The following PRKAG2 variants were observed in gnomAD, a reference collection of about 807,000 sequenced individuals.
PRKAG2 encodes the protein protein kinase AMP-activated non-catalytic subunit gamma 2, also known as 5'-AMP-activated protein kinase subunit gamma-2.
Under a neutral mutation model 69.6 loss-of-function variants are expected in PRKAG2, and 26 were observed. That is an observed-to-expected ratio of 0.37 (90% CI 0.27 to 0.52). The LOEUF is 0.52. Among genes scored for constraint, PRKAG2 ranks in the 20% least tolerant of loss-of-function variants. The pLI, the probability that PRKAG2 is intolerant of heterozygous loss-of-function variation, is 0.90. For missense variants in PRKAG2, 557 were observed against 740.0 expected, an observed-to-expected ratio of 0.75 and a Z score of 2.87; for synonymous variants, 293 against 285.0, an observed-to-expected ratio of 1.03 and a Z score of -0.28.
intron 6 of PRKAG2, among the ~76,000 whole-genome samples, chr7:151,591,398 G>C (rs1331615946): frequency 2.6e-5 from 4 of 152,264 alleles, no homozygotes; most frequent in Non-Finnish European, 5.9e-5. Flanking sequence ...GCTGATAGCG[G>C]TGTGGGCTGG....
intron 3 of PRKAG2, among the ~76,000 whole-genome samples, chr7:151,711,242 ACTAGGCTGAGAGTATGAAGAGTG>A: frequency 1.3e-5 from 2 of 150,772 alleles, no homozygotes; most frequent in Non-Finnish European, 3.0e-5. Flanking sequence ...TGCTAAGAGT[ACTAGGCTGAGAGTATGAAGAGTG>A]CTAGGCTGAG....
chr7:151,724,781 T>C (rs1419843726), intron 3 of PRKAG2, among the ~76,000 whole-genome samples: 2 of 151,590 alleles, frequency 1.3e-5, no homozygotes, highest in African/African-American at 2.4e-5. Context: ...GGGCTCCAAG[T>C]GCCGACTTGC....
intron 3 of PRKAG2, among the ~76,000 whole-genome samples, chr7:151,733,554 C>A (rs1011783825): frequency 6.6e-6 from 1 of 152,182 alleles, no homozygotes; most frequent in Non-Finnish European, 1.5e-5. Context: ...ATAATAGGTT[C>A]TGGTTTAATT....
intron 3 of PRKAG2, among the ~76,000 whole-genome samples, chr7:151,726,988 G>A (rs1798084746): frequency 6.6e-6 from 1 of 152,068 alleles, no homozygotes; most frequent in Non-Finnish European, 1.5e-5. Flanking sequence ...GGCCAAGGCG[G>A]GCGGATCACC....
intron 3 of PRKAG2, chr7:151,735,806 G>A (rs1009494486): frequency 6.8e-7 from 1 of 1,461,040 alleles, no homozygotes; most frequent in Non-Finnish European, 9.2e-7. Flanking sequence ...AGAGTGGCTG[G>A]AAACAGCTAC....
chr7:151,728,375 G>T (rs1257433244), intron 3 of PRKAG2, among the ~76,000 whole-genome samples: 1 of 152,062 alleles, frequency 6.6e-6, no homozygotes, highest in Non-Finnish European at 1.5e-5. Context: ...TGGAACCCCG[G>T]GTGACCATCC....
intron 3 of PRKAG2, among the ~76,000 whole-genome samples, chr7:151,714,580 A>G (rs979750490): frequency 1.3e-5 from 2 of 152,230 alleles, no homozygotes; most frequent in East Asian, 3.8e-4. Context: ...AGAGAAAAAA[A>G]CTACTCTAGT....
intron 5 of PRKAG2, among the ~76,000 whole-genome samples, chr7:151,598,092 G>A (rs540609424): frequency 2.6e-5 from 4 of 152,078 alleles, no homozygotes; most frequent in Non-Finnish European, 5.9e-5. Context: ...ATAAAGAAAC[G>A]TGGTACCTAT....
At chr7:151,801,732 A>C (rs2077848533) in intron 1 of PRKAG2, among the ~76,000 whole-genome samples, 1 of 152,236 alleles carries the variant, frequency 6.6e-6, no homozygotes, top group Admixed American at 6.5e-5. Context: ...GAGAGGGAAG[A>C]AAACTGCTGA....
intron 1 of PRKAG2, among the ~76,000 whole-genome samples, chr7:151,833,446 G>A (rs149226667): frequency 2.0e-5 from 3 of 152,320 alleles, no homozygotes; most frequent in Admixed American, 6.5e-5. Context: ...GGGTGGAAGC[G>A]GCAGGGAGGG....
chr7:151,815,866 GAGGAATTGCTTCCAAAGAT>G (rs1259170085), intron 1 of PRKAG2, among the ~76,000 whole-genome samples: 1 of 152,196 alleles, frequency 6.6e-6, no homozygotes, highest in Non-Finnish European at 1.5e-5. Flanking sequence ...CTCAGCAGTG[GAGGAATTGCTTCCAAAGAT>G]ATTGAGTGAT....
At chr7:151,747,882 G>C (rs1345740728) in intron 3 of PRKAG2, among the ~76,000 whole-genome samples, 1 of 150,840 alleles carries the variant, frequency 6.6e-6, no homozygotes, top group Non-Finnish European at 1.5e-5. Flanking sequence ...GGCTAAGGGG[G>C]TGAAAATCAC....
intron 3 of PRKAG2, among the ~76,000 whole-genome samples, chr7:151,759,222 C>T (rs780991318): frequency 2.6e-5 from 4 of 152,180 alleles, no homozygotes; most frequent in Admixed American, 6.5e-5. Context: ...TGGGCCCCTC[C>T]GCCAGGCGTG....
At chr7:151,623,487 G>A (rs542116270) in intron 5 of PRKAG2, among the ~76,000 whole-genome samples, 2 of 151,592 alleles carry the variant, frequency 1.3e-5, no homozygotes, top group African/African-American at 4.8e-5. Context: ...TGATCTGATA[G>A]GAGGCGGAGC....
At chr7:151,753,435 A>C (rs140782434) in intron 3 of PRKAG2, among the ~76,000 whole-genome samples, 16 of 152,350 alleles carry the variant, frequency 1.1e-4, no homozygotes, top group African/African-American at 3.8e-4. Flanking sequence ...TCATATAAAC[A>C]CACAGTGAGA....
chr7:151,576,817 C>T (rs931195772), intron 6 of PRKAG2, among the ~76,000 whole-genome samples: 1 of 152,128 alleles, frequency 6.6e-6, no homozygotes, highest in Non-Finnish European at 1.5e-5. Context: ...ATACCCTTAA[C>T]ATATTTGACC....
rs375398926 is a variant in PRKAG2, at chr7:151,753,999, G to A, written c.466+27153C>T. On this transcript the variant is annotated intron_variant, in intron 3 of 15. Transcript: ENST00000287878. ...GCACCACTGCACTCCAGCCTGAGAG[G>A]CAGAGCAAGACCGCATCTCGAAAAA... 5.3e-5 allele frequency among the ~76,000 whole-genome samples: 8 copies of A among 152,266 alleles called. 1 individual carries two copies. The highest frequency in any genetic ancestry group is 1.9e-4 in the African/African-American group (8 of 41,564).
chr7:151,598,783 G>A (rs892869908), intron 5 of PRKAG2, among the ~76,000 whole-genome samples: 13 of 152,116 alleles, frequency 8.5e-5, no homozygotes, highest in African/African-American at 2.9e-4. Flanking sequence ...TAACAATGTG[G>A]ACAAATATAC....
rs187549454 is a variant in PRKAG2 at position 151,567,376 on chromosome 7, C to T, written c.1233+1340G>A. Among the ~76,000 whole-genome samples, 143 of 152,276 alleles carry T rather than the reference C, an allele frequency of 9.4e-4. No individual in the cohort carries two copies. The highest frequency in any genetic ancestry group is 1.5e-3 in the Non-Finnish European group (99 of 68,020). On this transcript the variant is annotated intron_variant, in intron 11 of 15. Transcript: ENST00000287878. The surrounding 1 kb of genome is among the most constrained non-coding windows in gnomAD (Gnocchi z 4.2). ...TAAAAATACCTACCTGATAGGGTAGCAGCGAGGATGAGATTATGTCAAGTG... is the reference window on the plus strand; with the variant it reads ...TAAAAATACCTACCTGATAGGGTAGTAGCGAGGATGAGATTATGTCAAGTG...
Sources: gnomAD v4.1 joint callset for allele counts (sites outside exome capture counted in the v4.1 genomes callset) on GRCh38, gnomAD v4.1.1 for gene constraint, Gnocchi (gnomAD v3.1) non-coding constraint, MANE v1.5 for transcripts, NCBI Gene and HGNC (gene_info 2026-07-23, HGNC 2026-07-21) for gene names.